TBCK: variants seen among roughly 807,000 people sequenced by gnomAD.
TBCK encodes the protein TBC domain-containing protein kinase-like protein.
Under a neutral mutation model 113.4 loss-of-function variants are expected in TBCK, and 99 were observed. That is an observed-to-expected ratio of 0.87 (90% confidence interval 0.74 to 1.03). The LOEUF (loss-of-function observed/expected upper bound fraction) is 1.03. Among genes scored for constraint, TBCK ranks in the 50% least tolerant of loss-of-function variants. The pLI is 0.00. For missense variants in TBCK, 1,045 were observed against 1,061.3 expected, an observed-to-expected ratio of 0.98 and a Z score of 0.21; for synonymous variants, 369 against 370.8, an observed-to-expected ratio of 1.00 and a Z score of 0.05.
chr4:106,149,078 T>C (rs542237176), intron 23 of TBCK, among the ~76,000 whole-genome samples: 38 of 152,198 alleles, frequency 2.5e-4, no homozygotes, highest in Admixed American at 1.4e-3. Flanking sequence ...AGCTTCCAAC[T>C]TTTCTTCTGT....
intron 3 of TBCK, among the ~76,000 whole-genome samples, chr4:106,271,748 T>TC (rs1241876427): frequency 1.5e-5 from 2 of 137,792 alleles, no homozygotes; most frequent in African/African-American, 5.5e-5. Context: ...CAAGACTTTG[T>TC]CCCAAAAAAA....
intron 25 of TBCK, 87 bp downstream of exon 25, chr4:106,095,395 G>C (rs1740781222): frequency 1.6e-6 from 2 of 1,278,458 alleles, no homozygotes; most frequent in Non-Finnish European, 2.1e-6. Flanking sequence ...ACCAACTCCT[G>C]AAGAAATATA....
At chr4:106,064,869 T>A (rs1736447922) in intron 25 of TBCK, among the ~76,000 whole-genome samples, 1 of 151,946 alleles carries the variant, frequency 6.6e-6, no homozygotes, top group South Asian at 2.1e-4. Context: ...TTACCTTATT[T>A]TCCCACAGGG....
chr4:106,252,010 G>T lies in TBCK; in HGVS notation c.456-3C>A, dbSNP rs1560911995. ...CAGGGGCCAAGTACGAGGGATACCT[G>T]TAATGATACATTAAAATAATGAAAA... On this transcript the variant is annotated splice_region_variant and splice_polypyrimidine_tract_variant and intron_variant, in intron 5 of 25. Coordinates refer to ENST00000394708, the MANE Select transcript of TBCK (RefSeq NM_001163435.3). 1.3e-6 allele frequency: 2 copies of T among 1,582,678 alleles called. No individual in the cohort carries two copies.
At chr4:106,152,410 A>G (rs893351299) in intron 23 of TBCK, among the ~76,000 whole-genome samples, 6 of 152,076 alleles carry the variant, frequency 3.9e-5, no homozygotes. Flanking sequence ...ATATTGAACC[A>G]TCGTTACATT....
intron 3 of TBCK, among the ~76,000 whole-genome samples, chr4:106,277,778 T>C (rs1764175777): frequency 6.6e-6 from 1 of 152,182 alleles, no homozygotes; most frequent in South Asian, 2.1e-4. Flanking sequence ...ATTTAGTTTA[T>C]AAAAGTGTAT....
intron 23 of TBCK, among the ~76,000 whole-genome samples, chr4:106,146,523 T>C (rs1471582013): frequency 6.6e-6 from 1 of 152,166 alleles, no homozygotes; most frequent in Non-Finnish European, 1.5e-5. Context: ...TGTAATAATA[T>C]GTATAAACCC....
At chr4:106,051,210 A>G (rs1199430955) in intron 25 of TBCK, among the ~76,000 whole-genome samples, 1 of 151,870 alleles carries the variant, frequency 6.6e-6, no homozygotes, top group Non-Finnish European at 1.5e-5. Flanking sequence ...TGGGCCCTCT[A>G]GGACACAGGT....
At position 106,042,244 on chromosome 4, in the gene TBCK, T is replaced by G. The variant is rs997611972; in HGVS notation, c.*4326A>C. The G allele has an allele frequency of 6.6e-6, 1 of 152,242 alleles. No homozygotes were observed. Among genetic ancestry groups the G allele is most frequent in the Non-Finnish European group, 1.5e-5 (1 of 68,042 alleles). The allele number at this position is 152,242 out of a possible 1,614,324, so 9.4% of individuals were successfully genotyped here. ...TATTTTGGGTCAGCATGTATAACAA[T>G]GGGATTACTAGTTACAACTGATAGA... is the stretch of plus-strand genomic sequence containing the variant. On this transcript the variant is annotated 3_prime_UTR_variant, in exon 26 of 26. Transcript: ENST00000394708.
intron 24 of TBCK, among the ~76,000 whole-genome samples, chr4:106,112,579 G>A (rs1168695386): frequency 6.6e-6 from 1 of 152,102 alleles, no homozygotes; most frequent in African/African-American, 2.4e-5. Context: ...CATCAATATT[G>A]TTAGTGAGTC....
intron 22 of TBCK, among the ~76,000 whole-genome samples, chr4:106,176,153 C>T (rs10025725): frequency 7.9e-5 from 12 of 151,990 alleles, no homozygotes; most frequent in Non-Finnish European, 1.6e-4. Flanking sequence ...TCTACCAATT[C>T]GAATATTTAT....
intron 3 of TBCK, among the ~76,000 whole-genome samples, chr4:106,283,840 A>C (rs1764862603): frequency 6.6e-6 from 1 of 152,166 alleles, no homozygotes; most frequent in African/African-American, 2.4e-5. Flanking sequence ...CATAGCAGAA[A>C]AAGTGGGAGG....
At chr4:106,254,783 T>C (rs1761809159) in intron 5 of TBCK, among the ~76,000 whole-genome samples, 1 of 152,058 alleles carries the variant, frequency 6.6e-6, no homozygotes, top group Non-Finnish European at 1.5e-5. Context: ...CTAAATCAAA[T>C]CTCCACACAT....
At chr4:106,156,818 G>A (rs947123432) in intron 23 of TBCK, among the ~76,000 whole-genome samples, 1 of 152,124 alleles carries the variant, frequency 6.6e-6, no homozygotes, top group Non-Finnish European at 1.5e-5. Flanking sequence ...GCCAAGTCCT[G>A]GAATTGGGGG....
chr4:106,059,129 C>T (rs969793471), intron 25 of TBCK, among the ~76,000 whole-genome samples: 1 of 151,688 alleles, frequency 6.6e-6, no homozygotes, highest in African/African-American at 2.4e-5. Context: ...CACTACTCTG[C>T]CATTTGTCAG....
At chr4:106,256,296 G>A (rs1385353055) in intron 5 of TBCK, among the ~76,000 whole-genome samples, 1 of 152,116 alleles carries the variant, frequency 6.6e-6, no homozygotes, top group Non-Finnish European at 1.5e-5. Flanking sequence ...ACTCTTCATG[G>A]TGCCCAGGCT....
intron 5 of TBCK, among the ~76,000 whole-genome samples, chr4:106,256,357 C>T (rs529188179): frequency 6.6e-6 from 1 of 152,312 alleles, no homozygotes; most frequent in African/African-American, 2.4e-5. Flanking sequence ...CCTCAGCCCC[C>T]CTTCAGACTC....
intron 3 of TBCK, among the ~76,000 whole-genome samples, chr4:106,274,507 G>T (rs1286562724): frequency 1.3e-5 from 2 of 152,062 alleles, no homozygotes; most frequent in East Asian, 3.9e-4. Context: ...AATAAATGAA[G>T]TACTAATACA....
intron 20 of TBCK, among the ~76,000 whole-genome samples, chr4:106,205,689 C>T (rs1448389819): frequency 6.6e-6 from 1 of 150,390 alleles, no homozygotes; most frequent in Admixed American, 6.6e-5. Flanking sequence ...TCGCTTGAAC[C>T]CGGGAGGCAG....
Sources: gnomAD v4.1 joint callset for allele counts (sites outside exome capture counted in the v4.1 genomes callset) on GRCh38, gnomAD v4.1.1 for gene constraint, MANE v1.5 for transcripts, NCBI Gene and HGNC (gene_info 2026-07-23, HGNC 2026-07-21) for gene names.